The following NBAS variants were observed in gnomAD, a reference collection of about 807,000 sequenced individuals.
The protein encoded by NBAS is NAG/BC035112 fusion.
A neutral mutation model predicts 302.5 loss-of-function variants in NBAS; 219 were observed. The ratio of observed to expected loss-of-function variants is 0.72; its 90% CI spans 0.65 to 0.81. The LOEUF (loss-of-function observed/expected upper bound fraction) is 0.81, where lower values mean the gene tolerates loss of function less well. NBAS is among the 30% of genes least tolerant of loss of function. NBAS has a pLI of 0.00. For missense variants in NBAS, 2,932 were observed against 2,841.6 expected (o/e 1.03, Z -0.72); for synonymous variants, 1,118 against 1,021.6 (o/e 1.09, Z -1.80).
the NBAS span, among the ~76,000 whole-genome samples, chr2:15,072,128 A>G: frequency 6.6e-6 from 1 of 152,156 alleles, no homozygotes; most frequent in Non-Finnish European, 1.5e-5. Flanking sequence ...ACTTTCCAAA[A>G]CTTTTAGCAG....
chr2:15,280,212 C>G (rs1669763157), intron 42 of NBAS, among the ~76,000 whole-genome samples: 1 of 152,124 alleles, frequency 6.6e-6, no homozygotes, highest in Non-Finnish European at 1.5e-5. Flanking sequence ...TCAAGAACAT[C>G]ATGTATTGAA....
chr2:15,449,818 T>C (rs1678924203), intron 21 of NBAS, among the ~76,000 whole-genome samples: 1 of 152,208 alleles, frequency 6.6e-6, no homozygotes, highest in African/African-American at 2.4e-5. Context: ...GACTCCTCTC[T>C]GCGGACAGTC....
chr2:15,550,173 A>G (rs145433472), intron 6 of NBAS, among the ~76,000 whole-genome samples: 10 of 152,264 alleles, frequency 6.6e-5, no homozygotes, highest in Non-Finnish European at 1.5e-4. Flanking sequence ...AAAAATAAAA[A>G]TAAAAAAAGA....
intron 7 of NBAS, among the ~76,000 whole-genome samples, chr2:15,538,013 C>T (rs1245893430): frequency 6.6e-6 from 1 of 152,070 alleles, no homozygotes; most frequent in African/African-American, 2.4e-5. Flanking sequence ...ATAAAAATAC[C>T]ATCAAATTTC....
the NBAS span, among the ~76,000 whole-genome samples, chr2:14,929,723 A>G: frequency 6.6e-6 from 1 of 152,120 alleles, no homozygotes; most frequent in South Asian, 2.1e-4. Flanking sequence ...CCATGAGAAG[A>G]TGGGGTTAAA....
At chr2:14,880,366 A>G in the NBAS span, among the ~76,000 whole-genome samples, 1 of 152,156 alleles carries the variant, frequency 6.6e-6, no homozygotes, top group Non-Finnish European at 1.5e-5. Flanking sequence ...TAAATGTTCT[A>G]TCAATTCCAC....
chr2:15,259,328 C>T (rs909052090), intron 44 of NBAS, among the ~76,000 whole-genome samples: 3 of 152,162 alleles, frequency 2.0e-5, no homozygotes, highest in East Asian at 3.9e-4. Flanking sequence ...ATCCAAACCC[C>T]TGCATTAATA....
At chr2:14,991,978 A>T in the NBAS span, among the ~76,000 whole-genome samples, 1 of 152,134 alleles carries the variant, frequency 6.6e-6, no homozygotes, top group Admixed American at 6.6e-5. Flanking sequence ...GAGGAGGAGC[A>T]CCTTTGGCTG....
intron 32 of NBAS, among the ~76,000 whole-genome samples, chr2:15,363,925 C>G (rs538326094): frequency 6.6e-6 from 1 of 152,182 alleles, no homozygotes; most frequent in African/African-American, 2.4e-5. Flanking sequence ...ACAGCTTCCT[C>G]TTTGCTTTCT....
At chr2:14,945,739 G>A in the NBAS span, among the ~76,000 whole-genome samples, 2 of 151,992 alleles carry the variant, frequency 1.3e-5, no homozygotes, top group Non-Finnish European at 2.9e-5. Context: ...TATACAGTCA[G>A]AGGAGAAAAA....
intron 25 of NBAS, among the ~76,000 whole-genome samples, chr2:15,413,109 T>A (rs1217920512): frequency 6.6e-6 from 1 of 152,230 alleles, no homozygotes; most frequent in Non-Finnish European, 1.5e-5. Flanking sequence ...ATTCCTTTAT[T>A]CTCCACACAT....
At chr2:15,170,538 T>A (rs570761812) in intron 51 of NBAS, among the ~76,000 whole-genome samples, 1 of 152,112 alleles carries the variant, frequency 6.6e-6, no homozygotes, top group African/African-American at 2.4e-5. Context: ...CAGGGAAAGG[T>A]TGGGAGGAAT....
the NBAS span, among the ~76,000 whole-genome samples, chr2:14,958,941 A>G: frequency 6.6e-6 from 1 of 152,208 alleles, no homozygotes; most frequent in Non-Finnish European, 1.5e-5. Flanking sequence ...AAGACTGGGG[A>G]TTGCAGTGGG....
rs112891067 is a variant in NBAS at position 15,415,847 on chromosome 2, T to C, written c.2764-128A>G. 2.2e-3 allele frequency: 2,127 copies of C among 952,730 alleles called. 27 individuals carry two copies. Among genetic ancestry groups the C allele is most frequent in the African/African-American group, 0.022 (1,328 of 61,472 alleles). The allele number at this position is 952,730 out of a possible 1,614,324, so 59.0% of individuals were successfully genotyped here. A position where few individuals can be genotyped will look rare whatever the true frequency, so the allele number is the denominator to read the frequency against. On this transcript the variant is annotated intron_variant, in intron 24 of 51. Coordinates refer to ENST00000281513, the MANE Select transcript of NBAS (RefSeq NM_015909.4). ...ATGTTAAACAGTGCAAACCCAACAC[T>C]CTAAAACACACAGTCCAGTTCACCA...
the NBAS span, among the ~76,000 whole-genome samples, chr2:15,009,645 CAT>C: frequency 1.4e-5 from 2 of 145,268 alleles, no homozygotes; most frequent in Admixed American, 1.4e-4. Flanking sequence ...CACATATACA[CAT>C]ATATATGTAG....
At chr2:15,141,749 G>T in the NBAS span, among the ~76,000 whole-genome samples, 6 of 152,270 alleles carry the variant, frequency 3.9e-5, no homozygotes, top group African/African-American at 1.4e-4. Flanking sequence ...GCAAAGTGGA[G>T]AGACTAGAAC....
At chr2:15,057,366 G>A in the NBAS span, among the ~76,000 whole-genome samples, 1 of 149,516 alleles carries the variant, frequency 6.7e-6, no homozygotes, top group Non-Finnish European at 1.5e-5. Context: ...AGAAGAGAGA[G>A]AGAGACTGTT....
At chr2:15,355,817 T>C (rs920515687) in intron 33 of NBAS, among the ~76,000 whole-genome samples, 1 of 152,136 alleles carries the variant, frequency 6.6e-6, no homozygotes, top group Non-Finnish European at 1.5e-5. Context: ...CCCTACTTCC[T>C]GTACAGCTTG....
chr2:14,993,084 T>C, the NBAS span, among the ~76,000 whole-genome samples: 1 of 152,170 alleles, frequency 6.6e-6, no homozygotes, highest in African/African-American at 2.4e-5. Context: ...AAGGGGACCT[T>C]TGAAGGGAGT....
Sources: allele counts gnomAD v4.1 joint callset (sites outside exome capture counted in the v4.1 genomes callset), GRCh38; gene constraint gnomAD v4.1.1; transcripts MANE v1.5; gene names NCBI Gene and HGNC (gene_info 2026-07-23, HGNC 2026-07-21).